Variants in PID1 observed in about 807,000 individuals in gnomAD.
PID1 encodes phosphotyrosine interaction domain containing 1.
A neutral mutation model predicts 19.1 loss-of-function variants in PID1; 10 were observed. The observed-to-expected ratio is 0.52, with a 90% CI of 0.32 to 0.89. PID1 has a LOEUF of 0.89. Ranked by LOEUF, PID1 falls within the 40% of genes least tolerant of loss-of-function variation. The pLI, the probability that PID1 is intolerant of heterozygous loss-of-function variation, is 0.03. For synonymous variants in PID1, 130 were observed against 116.0 expected (o/e 1.12, Z -0.78); for missense variants, 248 against 285.3 (o/e 0.87, Z 0.94).
rs1448052482 is a variant in PID1 at position 229,130,551 on chromosome 2, G to A, written c.177+25267C>T. Among the ~76,000 whole-genome samples the A allele has an allele frequency of 2.6e-5, 4 of 152,318 alleles. No individual in the cohort carries two copies. In the East Asian group the frequency reaches 5.8e-4, roughly 22 times the overall value. On this transcript the variant is annotated intron_variant, in intron 2 of 2. Coordinates refer to ENST00000392055, the MANE Select transcript of PID1 (RefSeq NM_001100818.2). Reference sequence around the variant, plus strand: ...GAGGGATGTGGCGGAGCAAGTTAATGAGGAAACTCGTAGGCTTGTCAGGCA... The same window carrying A: ...GAGGGATGTGGCGGAGCAAGTTAATAAGGAAACTCGTAGGCTTGTCAGGCA...
chr2:229,148,770 G>T (rs1023630384), intron 2 of PID1, among the ~76,000 whole-genome samples: 1 of 150,696 alleles, frequency 6.6e-6, no homozygotes, highest in Non-Finnish European at 1.5e-5. Flanking sequence ...GAGGGAAGGA[G>T]GGAGGGAAGA....
chr2:229,053,453 A>G (rs2106185779), intron 2 of PID1, among the ~76,000 whole-genome samples: 1 of 152,352 alleles, frequency 6.6e-6, no homozygotes, highest in South Asian at 2.1e-4. Flanking sequence ...TAAAACAGAC[A>G]CAAATTTCTG....
chr2:229,248,713 G>C (rs1690067440), intron 1 of PID1, among the ~76,000 whole-genome samples: 1 of 151,918 alleles, frequency 6.6e-6, no homozygotes, highest in African/African-American at 2.4e-5. Context: ...TTATTTGTTT[G>C]CTTATTCCTT....
intron 1 of PID1, among the ~76,000 whole-genome samples, chr2:229,157,108 T>C (rs1690388916): frequency 6.6e-6 from 1 of 152,114 alleles, no homozygotes; most frequent in Non-Finnish European, 1.5e-5. Flanking sequence ...GCCTACAGCC[T>C]GTGCTTAGGA....
intron 2 of PID1, among the ~76,000 whole-genome samples, chr2:229,150,270 T>C (rs1287659071): frequency 7.1e-6 from 1 of 140,006 alleles, no homozygotes; most frequent in African/African-American, 2.7e-5. Flanking sequence ...AAGAAAGAAG[T>C]AAAGAAAAGA....
chr2:229,254,425 A>G (rs958574226), intron 1 of PID1, among the ~76,000 whole-genome samples: 1 of 152,234 alleles, frequency 6.6e-6, no homozygotes, highest in Non-Finnish European at 1.5e-5. Context: ...TCTGCGTTAC[A>G]ATGTCCCATA....
chr2:229,195,407 C>G (rs1212421938), intron 1 of PID1, among the ~76,000 whole-genome samples: 1 of 151,576 alleles, frequency 6.6e-6, no homozygotes, highest in Non-Finnish European at 1.5e-5. Flanking sequence ...ACATACATAA[C>G]ATGCATACAT....
At chr2:229,029,510 C>G (rs1316476835) in intron 2 of PID1, among the ~76,000 whole-genome samples, 1 of 152,004 alleles carries the variant, frequency 6.6e-6, no homozygotes, top group East Asian at 1.9e-4. Context: ...AGTACAATTT[C>G]TATACCATGT....
chr2:229,029,050 A>T (rs1204126611), intron 2 of PID1, among the ~76,000 whole-genome samples: 1 of 152,064 alleles, frequency 6.6e-6, no homozygotes, highest in African/African-American at 2.4e-5. Flanking sequence ...AAAGATGGGA[A>T]CAACAGACAC....
chr2:229,216,728 C>A (rs917818739), intron 1 of PID1, among the ~76,000 whole-genome samples: 1 of 151,980 alleles, frequency 6.6e-6, no homozygotes, highest in Non-Finnish European at 1.5e-5. Context: ...ATAAACAAAA[C>A]CAAGAACGTG....
chr2:229,174,357 C>A (rs776408857), intron 1 of PID1, among the ~76,000 whole-genome samples: 18 of 152,020 alleles, frequency 1.2e-4, no homozygotes, highest in Non-Finnish European at 2.4e-4. Context: ...ACGGAGCTCA[C>A]GGTCAGGTAA....
intron 2 of PID1, among the ~76,000 whole-genome samples, chr2:229,056,498 A>C (rs1174155894): frequency 1.3e-5 from 2 of 152,128 alleles, no homozygotes; most frequent in Admixed American, 1.3e-4. Context: ...CTAACATGCT[A>C]AATGTAGCAA....
chr2:229,258,708 A>C (rs1690370974), intron 1 of PID1, among the ~76,000 whole-genome samples: 1 of 152,100 alleles, frequency 6.6e-6, no homozygotes, highest in African/African-American at 2.4e-5. Context: ...AATACAAAAA[A>C]TTAGCCGGGC....
intron 1 of PID1, among the ~76,000 whole-genome samples, chr2:229,195,496 T>C (rs1392398217): frequency 1.3e-5 from 2 of 151,888 alleles, no homozygotes; most frequent in Non-Finnish European, 2.9e-5. Flanking sequence ...TATTGTGTCA[T>C]TTTTTCCTTA....
chr2:229,251,389 A>T (rs1341509320), intron 1 of PID1, among the ~76,000 whole-genome samples: 1 of 152,120 alleles, frequency 6.6e-6, no homozygotes, highest in Non-Finnish European at 1.5e-5. Context: ...AGAATTACTA[A>T]TCAATACTAA....
intron 2 of PID1, among the ~76,000 whole-genome samples, chr2:229,040,919 A>G (rs116145072): frequency 0.028 from 4,304 of 152,316 alleles, 91 homozygotes; most frequent in Non-Finnish European, 0.039. Flanking sequence ...AAAGAGAGTT[A>G]CAAATATGCA....
Position 229,044,428 on chromosome 2 carries a change from T to TC in PID1, c.178-18321dup, listed in dbSNP as rs559179629. ...CACCACCTGGCCCCTCTCCCCTGCT[T>TC]CCCCGACAAATGCTCTCCCTCACTA... On this transcript the variant is annotated intron_variant, in intron 2 of 2. Transcript: ENST00000392055. Among the ~76,000 whole-genome samples, 54 of 151,950 alleles carry TC rather than the reference T, an allele frequency of 3.6e-4. No homozygotes were observed. In the East Asian group the frequency reaches 9.9e-3, roughly 28 times the overall value.
intron 1 of PID1, among the ~76,000 whole-genome samples, chr2:229,171,012 G>A (rs898316787): frequency 6.6e-6 from 1 of 152,164 alleles, no homozygotes; most frequent in African/African-American, 2.4e-5. Flanking sequence ...TTTGTCCCAA[G>A]GGACTTCATT....
intron 2 of PID1, among the ~76,000 whole-genome samples, chr2:229,073,057 G>A (rs1055718894): frequency 7.9e-5 from 12 of 152,092 alleles, no homozygotes; most frequent in African/African-American, 2.4e-4. Context: ...ACGGAGTCTC[G>A]CTCTGTCACC....
Sources: gnomAD v4.1 joint callset for allele counts (sites outside exome capture counted in the v4.1 genomes callset) on GRCh38, gnomAD v4.1.1 for gene constraint, MANE v1.5 for transcripts, NCBI Gene and HGNC (gene_info 2026-07-23, HGNC 2026-07-21) for gene names.